IKZF5: variants seen among roughly 807,000 people sequenced by gnomAD.
IKZF5 encodes the protein zinc finger protein Pegasus.
IKZF5 carries 4 observed loss-of-function variants against 30.7 expected under a neutral mutation model. The observed-to-expected ratio is 0.13, with a 90% CI of 0.06 to 0.30. The LOEUF is 0.30. IKZF5 is among the 10% of genes least tolerant of loss of function. The probability of loss-of-function intolerance (pLI) is 1.00; values close to 1 mark genes in which losing one functional copy is unlikely to be tolerated. For missense variants in IKZF5, 348 were observed against 525.5 expected, an observed-to-expected ratio of 0.66 and a Z score of 3.30; for synonymous variants, 148 against 179.6, an observed-to-expected ratio of 0.82 and a Z score of 1.41.
chr10:123,005,441 T>C (rs1359405075), intron 2 of IKZF5, among the ~76,000 whole-genome samples: 1 of 152,242 alleles, frequency 6.6e-6, no homozygotes, highest in Admixed American at 6.5e-5. Context: ...AAAAAATTAC[T>C]TACTTAACAC....
At chr10:123,005,515 T>C (rs1166241054) in intron 2 of IKZF5, among the ~76,000 whole-genome samples, 2 of 152,228 alleles carry the variant, frequency 1.3e-5, no homozygotes, top group African/African-American at 4.8e-5. Context: ...TCTCCAGTAT[T>C]ATTACAGATG....
chr10:122,995,864 C>T, intron 4 of IKZF5, 130 bp downstream of exon 4: 1 of 808,036 alleles, frequency 1.2e-6, no homozygotes, highest in Non-Finnish European at 1.9e-6. Flanking sequence ...AGTAACTTTC[C>T]CATTTATTCG....
Position 123,008,704 on chromosome 10 carries a change from C to T in IKZF5, c.-208G>A. 1 of 506,052 alleles carries T rather than the reference C, an allele frequency of 2.0e-6. No individual in the cohort carries two copies. Among genetic ancestry groups the T allele is most frequent in the South Asian group, 2.1e-5 (1 of 48,386 alleles). 31.3% of individuals were successfully genotyped at this position (506,052 alleles called of 1,614,324 possible). A position where few individuals can be genotyped will look rare whatever the true frequency, so the allele number is the denominator to read the frequency against. On this transcript the variant is annotated 5_prime_UTR_variant, in exon 1 of 5. Transcript: ENST00000368886. ...CAGCCTGCTACTTACCTCCTGACAA[C>T]TGCATGGAGTAAACCACACCGCCTT...
chr10:122,994,103 G>T lies in IKZF5; in HGVS notation c.937C>A (p.Pro313Thr), dbSNP rs1849267179. The T allele has an allele frequency of 6.2e-7, 1 of 1,614,022 alleles. No homozygotes were observed. The highest frequency in any genetic ancestry group is 1.3e-5 in the African/African-American group (1 of 74,898). ...TGACTATGGGATGGCCGAGGTTCTG[G>T]GCTTGTGGGAGAGGAGCTCTGAGGA... ...SIPQSSSPTS[P>T]EPRPSHSQRN... The change falls in exon 5 of 5, where the codon CCA becomes ACA. Residue 313 changes from proline (P) to threonine (T), a missense_variant. By Grantham distance (38) the Pro-to-Thr change is conservative. This residue lies in a region of IKZF5 where 176 missense variants were observed against 198.2 expected (regional missense o/e 0.89). Transcript: ENST00000368886. The surrounding 1 kb of genome is among the most constrained non-coding windows in gnomAD (Gnocchi z 5.6).
chr10:122,998,261 T>A, intron 3 of IKZF5: 1 of 367,838 alleles, frequency 2.7e-6, no homozygotes, highest in Non-Finnish European at 4.9e-6. Flanking sequence ...ACAGGAAGGG[T>A]ATTTGGAGCC....
chr10:122,998,690 A>G lies in IKZF5; in HGVS notation c.-46-19T>C, dbSNP rs936984388. 68 of 1,403,806 alleles carry G rather than the reference A, an allele frequency of 4.8e-5. No homozygotes were observed. Among genetic ancestry groups the G allele is most frequent in the South Asian group, 4.5e-4 (37 of 81,794 alleles). The allele number at this position is 1,403,806 out of a possible 1,614,324, so 87.0% of individuals were successfully genotyped here. On this transcript the variant is annotated intron_variant, in intron 2 of 4. Transcript: ENST00000368886. ...AACAAAACTGAAACAATTTTACACT[A>G]TTTAGGGAGATCTAGTACATAGCAA...
chr10:122,991,749 C>G lies in IKZF5; in HGVS notation c.*2031G>C, dbSNP rs1182266532. ...CATGGCAAAATTATAATTTTACATT[C>G]TAGTATGTAATTATGAAAAAAATCT... On this transcript the variant is annotated 3_prime_UTR_variant, in exon 5 of 5. Coordinates refer to ENST00000368886, the MANE Select transcript of IKZF5 (RefSeq NM_001372123.1). The G allele has an allele frequency of 6.6e-6, 1 of 152,024 alleles. No individual in the cohort carries two copies. The highest frequency in any genetic ancestry group is 2.4e-5 in the African/African-American group (1 of 41,394). 9.4% of individuals were successfully genotyped at this position (152,024 alleles called of 1,614,324 possible).
At chr10:122,997,640 T>C (rs1049870495) in intron 3 of IKZF5, 8 of 152,176 alleles carry the variant, frequency 5.3e-5, no homozygotes, top group African/African-American at 1.9e-4. Flanking sequence ...GTCAGCAAAC[T>C]TTTTCTATAG....
intron 2 of IKZF5, among the ~76,000 whole-genome samples, chr10:123,005,707 T>C (rs1292448471): frequency 1.3e-5 from 2 of 152,216 alleles, no homozygotes; most frequent in East Asian, 1.9e-4. Context: ...ATTAGTGCCT[T>C]GTGAAGAGAT....
At position 122,995,967 on chromosome 10, in the gene IKZF5, T is replaced by C. The variant is rs745608675; in HGVS notation, c.316+27A>G. ...GGCCCCTCTCCTGCCCTCACAGAAA[T>C]GCTTTTTCCAGCTGTCTTTCCATTA... On this transcript the variant is annotated intron_variant, in intron 4 of 4. Transcript: ENST00000368886. 33 of 1,607,852 alleles carry C rather than the reference T, an allele frequency of 2.1e-5. No homozygotes were observed. In the East Asian group the frequency reaches 7.1e-4, roughly 35 times the overall value.
At position 122,994,183 on chromosome 10, in the gene IKZF5, A is replaced by C; in HGVS notation, c.857T>G (p.Phe286Cys). 6.2e-7 allele frequency: 1 copy of C among 1,614,170 alleles called. No individual in the cohort carries two copies. The highest frequency in any genetic ancestry group is 8.5e-7 in the Non-Finnish European group (1 of 1,180,032). Residue 286 changes from phenylalanine (F) to cysteine (C), a missense_variant, in exon 5 of 5, where the codon TTC becomes TGC. Physicochemically the swap from Phe to Cys is radical, Grantham distance 205 (BLOSUM62 -2). Around this residue, in one of 4 missense-constraint regions of IKZF5, gnomAD observed 176 missense variants for 198.2 expected, o/e 0.89. Transcript: ENST00000368886. This position sits in a 1 kb window ranked among gnomAD's most constrained non-coding sequence, Gnocchi z 5.6. ...DVVPCPDEKP[F>C]MIQQPSTQAV... ...TTGGGTAGAGGGCTGCTGAATCATG[A>C]AAGGCTTTTCATCAGGGCAGGGAAC...
chr10:123,002,487 T>C lies in IKZF5; in HGVS notation c.-46-3816A>G, dbSNP rs1459821051. 2.1e-5 allele frequency among the ~76,000 whole-genome samples: 3 copies of C among 146,226 alleles called. No homozygotes were observed. The East Asian group carries it at 6.1e-4, about 30-fold the overall frequency. On this transcript the variant is annotated intron_variant, in intron 2 of 4. Transcript: ENST00000368886. ...GTGAGCCCAGATCGCACCACTGCAC[T>C]CCAGCCTGGCGACAGAGCAAAATTC... is the stretch of plus-strand genomic sequence containing the variant.
rs1027484028 is a variant in IKZF5 at position 123,001,778 on chromosome 10, A to G, written c.-46-3107T>C. Among the ~76,000 whole-genome samples the G allele has an allele frequency of 3.9e-5, 6 of 152,308 alleles. No individual in the cohort carries two copies. The South Asian group carries it at 1.2e-3, about 32-fold the overall frequency. On this transcript the variant is annotated intron_variant, in intron 2 of 4. Transcript: ENST00000368886. ...TCCCCCTGCTTTGTTTTTCTTCTTC[A>G]AGAATAGGCTGTTCTTGGGCCTTTT...
intron 2 of IKZF5, among the ~76,000 whole-genome samples, chr10:123,006,407 T>C (rs2133430315): frequency 6.6e-6 from 1 of 152,254 alleles, no homozygotes; most frequent in African/African-American, 2.4e-5. Flanking sequence ...TGTGTATATA[T>C]GTGCACCCCC....
intron 2 of IKZF5, among the ~76,000 whole-genome samples, chr10:122,999,001 G>C (rs1170370659): frequency 3.3e-5 from 5 of 152,120 alleles, no homozygotes; most frequent in Non-Finnish European, 5.9e-5. Context: ...GGAGACCGGA[G>C]ACCAACATAG....
rs746261510 is a variant in IKZF5 at position 122,998,567 on chromosome 10, G to A, written c.59C>T (p.Thr20Ile). The change falls in exon 3 of 5, where the codon ACT (threonine) becomes ATT (isoleucine). Residue 20 changes from threonine (T) to isoleucine (I), a missense_variant. Thr to Ile is a moderately conservative substitution (Grantham distance 89, BLOSUM62 -1). Coordinates refer to ENST00000368886, the MANE Select transcript of IKZF5 (RefSeq NM_001372123.1). ...DFVKDFQEYLTQQTHHVNMIS... is the reference protein window; with the variant it reads ...DFVKDFQEYLIQQTHHVNMIS... Reference sequence around the variant, plus strand: ...CATGTTCACGTGATGGGTCTGCTGAGTCAGGTATTCCTGAAAATCTTTCAC... The same window carrying A: ...CATGTTCACGTGATGGGTCTGCTGAATCAGGTATTCCTGAAAATCTTTCAC... The A allele has an allele frequency of 5.6e-6, 9 of 1,613,546 alleles. No homozygotes were observed. The highest frequency in any genetic ancestry group is 1.7e-6 in the Non-Finnish European group (2 of 1,179,658).
intron 2 of IKZF5, among the ~76,000 whole-genome samples, chr10:123,002,399 A>G (rs1849620844): frequency 6.6e-6 from 1 of 151,810 alleles, no homozygotes; most frequent in South Asian, 2.1e-4. Context: ...AGGCGCCTGT[A>G]ATCCCTGCTT....
rs1849935689 is a variant in IKZF5, at chr10:123,008,795, T to G, written c.-299A>C. On this transcript the variant is annotated 5_prime_UTR_variant, in exon 1 of 5. Coordinates refer to ENST00000368886, the MANE Select transcript of IKZF5 (RefSeq NM_001372123.1). ...ACAGTCGCCGCCGCCATCTTTGTTG[T>G]GTCTCCGACTCCCTTCCCGCCCCCC... 2 of 614,250 alleles carry G rather than the reference T, an allele frequency of 3.3e-6. No homozygotes were observed. Among genetic ancestry groups the G allele is most frequent in the East Asian group, 5.5e-5 (2 of 36,472 alleles). 38.0% of individuals were successfully genotyped at this position (614,250 alleles called of 1,614,324 possible). A position where few individuals can be genotyped will look rare whatever the true frequency, so the allele number is the denominator to read the frequency against.
intron 1 of IKZF5, among the ~76,000 whole-genome samples, chr10:123,007,892 C>A (rs1317047460): frequency 1.3e-5 from 2 of 152,100 alleles, no homozygotes; most frequent in Non-Finnish European, 2.9e-5. Context: ...TTCCTCAGAT[C>A]ACACAATTTA....
Sources: gnomAD v4.1 joint callset for allele counts (sites outside exome capture counted in the v4.1 genomes callset) on GRCh38, gnomAD v4.1.1 for gene constraint, gnomAD v4.1.1 regional missense constraint, Gnocchi (gnomAD v3.1) non-coding constraint, MANE v1.5 for transcripts, NCBI Gene and HGNC (gene_info 2026-07-23, HGNC 2026-07-21) for gene names.